Variants in SLC5A9 observed in about 807,000 individuals in gnomAD.
The protein encoded by SLC5A9 is sodium/glucose cotransporter 4.
SLC5A9 carries 59 observed loss-of-function variants against 70.9 expected under a neutral mutation model. That is an observed-to-expected ratio of 0.83 (90% CI 0.68 to 1.03). The LOEUF (loss-of-function observed/expected upper bound fraction) is 1.03, where lower values mean the gene tolerates loss of function less well. SLC5A9 is among the 50% of genes least tolerant of loss of function. The probability of loss-of-function intolerance (pLI) is 0.00; values close to 1 mark genes in which losing one functional copy is unlikely to be tolerated. For synonymous variants in SLC5A9, 340 were observed against 346.5 expected (o/e 0.98, Z 0.21); for missense variants, 832 against 881.1 (o/e 0.94, Z 0.71).
At position 48,233,635 on chromosome 1, in the gene SLC5A9, T is replaced by C; in HGVS notation, c.1034-20T>C. The C allele has an allele frequency of 6.2e-7, 1 of 1,603,170 alleles. No homozygotes were observed. The highest frequency in any genetic ancestry group is 8.5e-7 in the Non-Finnish European group (1 of 1,170,448). On this transcript the variant is annotated intron_variant, in intron 8 of 13. Transcript: ENST00000438567. ...AAGGCACGAGATCACGGACTCTAACTGCCATTACTTCTTCCACAGACGAGG... is the reference window on the plus strand; with the variant it reads ...AAGGCACGAGATCACGGACTCTAACCGCCATTACTTCTTCCACAGACGAGG...
rs1258515207 is a variant in SLC5A9, at chr1:48,235,939, G to T, written c.1292+60G>T. The T allele has an allele frequency of 6.2e-6, 10 of 1,605,020 alleles. No homozygotes were observed. In the Admixed American group the frequency reaches 1.5e-4, roughly 24 times the overall value. On this transcript the variant is annotated intron_variant, in intron 10 of 13. Coordinates refer to ENST00000438567, the MANE Select transcript of SLC5A9 (RefSeq NM_001011547.3). ...CCCTCTCCCCTCTGCCCTGCCCTGGGTTACCCTGAACAGAGGTGGCTGGGT... is the reference window on the plus strand; with the variant it reads ...CCCTCTCCCCTCTGCCCTGCCCTGGTTTACCCTGAACAGAGGTGGCTGGGT...
intron 12 of SLC5A9, chr1:48,242,146 C>T (rs1003508004): frequency 4.8e-5 from 23 of 476,332 alleles, no homozygotes; most frequent in African/African-American, 3.3e-4. Flanking sequence ...TCTCAAGTGC[C>T]TGCCTCCCTG....
rs572349864 is a variant in SLC5A9 at position 48,224,816 on chromosome 1, C to A, written c.234+21C>A. On this transcript the variant is annotated intron_variant, in intron 2 of 13. Transcript: ENST00000438567. The stretch of plus-strand genomic sequence containing the variant: ...GGCCAGTGAGTTGACCCTTCTCAAC[C>A]ACCCCTAGTGCAGAGGCTCCCAACT... 45 of 1,612,162 alleles carry A rather than the reference C, an allele frequency of 2.8e-5. 1 individual carries two copies. In the South Asian group the frequency reaches 4.5e-4, roughly 16 times the overall value.
At chr1:48,243,706 T>A (rs12746335) in intron 13 of SLC5A9, among the ~76,000 whole-genome samples, 110,057 of 151,664 alleles carry the variant, frequency 0.73, 41,664 homozygotes, top group East Asian at 0.94. Flanking sequence ...TGCACACGTA[T>A]CCCTGAAACT....
At chr1:48,222,954 T>C (rs1644093268) in intron 1 of SLC5A9, 56 bp downstream of exon 1, 1 of 1,586,912 alleles carries the variant, frequency 6.3e-7, no homozygotes, top group South Asian at 1.1e-5. Flanking sequence ...TCTCTCAGCT[T>C]GGGTGGGGCT....
At chr1:48,242,270 A>G in intron 12 of SLC5A9, 187 bp from the exon 13 acceptor site, 2 of 647,654 alleles carry the variant, frequency 3.1e-6, no homozygotes, top group Non-Finnish European at 5.3e-6. Flanking sequence ...GGTGTAGAGC[A>G]GGAATTGCTC....
intron 13 of SLC5A9, among the ~76,000 whole-genome samples, chr1:48,244,658 C>G (rs1644429175): frequency 6.9e-6 from 1 of 145,908 alleles, no homozygotes; most frequent in Non-Finnish European, 1.5e-5. Flanking sequence ...CAACATCACC[C>G]TGCCTGGTCT....
At position 48,228,931 on chromosome 1, in the gene SLC5A9, G is replaced by A; in HGVS notation, c.316G>A (p.Ala106Thr). ...LAGTGAAGGL[A>T]VGGFEWNATW... ...TGGGACAGGGGCTGCCGGAGGCCTTGCCGTAGGTGGCTTCGAGTGGAACGT... is the reference window on the plus strand; with the variant it reads ...TGGGACAGGGGCTGCCGGAGGCCTTACCGTAGGTGGCTTCGAGTGGAACGT... The change falls in exon 3 of 14, where the codon GCC becomes ACC. Residue 106 changes from alanine (A) to threonine (T), a missense_variant. Transcript: ENST00000438567. 1 of 1,613,374 alleles carries A rather than the reference G, an allele frequency of 6.2e-7. No homozygotes were observed. Among genetic ancestry groups the A allele is most frequent in the Non-Finnish European group, 8.5e-7 (1 of 1,180,030 alleles).
At chr1:48,230,203 A>C (rs1441563178) in intron 4 of SLC5A9, among the ~76,000 whole-genome samples, 2 of 152,230 alleles carry the variant, frequency 1.3e-5, no homozygotes, top group African/African-American at 4.8e-5. Flanking sequence ...CTGACAGCCA[A>C]GCAGGCTCTG....
intron 11 of SLC5A9, among the ~76,000 whole-genome samples, 171 bp downstream of exon 11, chr1:48,238,018 C>G (rs1297163843): frequency 6.6e-6 from 1 of 152,178 alleles, no homozygotes; most frequent in South Asian, 2.1e-4. Context: ...CATTTATCAG[C>G]CTTATAATGG....
intron 13 of SLC5A9, among the ~76,000 whole-genome samples, chr1:48,246,183 G>C (rs996819667): frequency 2.0e-5 from 3 of 152,028 alleles, no homozygotes; most frequent in Non-Finnish European, 4.4e-5. Flanking sequence ...GTTGCCAAGG[G>C]AATCAAAAGA....
In SLC5A9 at chr1:48,229,467, T is replaced by G; in HGVS notation, c.504+8T>G. The stretch of plus-strand genomic sequence containing the variant: ...ATCTTCACCAAGATCTCGGTAGGTG[T>G]CACTGCAATGTGGTCACTGTGTCTG... On this transcript the variant is annotated splice_region_variant and intron_variant, in intron 4 of 13. Transcript: ENST00000438567. 2 of 1,613,832 alleles carry G rather than the reference T, an allele frequency of 1.2e-6. No homozygotes were observed. The highest frequency in any genetic ancestry group is 1.7e-6 in the Non-Finnish European group (2 of 1,179,792).
Position 48,237,717 on chromosome 1 carries a change from G to A in SLC5A9, c.1331G>A (p.Trp444Ter), listed in dbSNP as rs754917964. 5 of 1,613,912 alleles carry A rather than the reference G, an allele frequency of 3.1e-6. No homozygotes were observed. Residue 444 changes from tryptophan (W) to a stop codon, truncating the protein, a stop_gained, in exon 11 of 14, where the codon TGG becomes TAG. Transcript: ENST00000438567. LOFTEE classifies it high-confidence loss of function. ...TTCCTGGTTGTCATCAGCATCCTCT[G>A]GATCCCCATCATCCAAAGCTCCAAC... ...VVFLVVISIL[W>*]IPIIQSSNSG... is the part of the protein sequence containing the mutation.
chr1:48,242,375 G>A, intron 12 of SLC5A9, 82 bp from the exon 13 acceptor site: 6 of 1,475,934 alleles, frequency 4.1e-6, no homozygotes, highest in Non-Finnish European at 5.5e-6. Context: ...TGCTCAGATG[G>A]CCTTCCATAA....
In SLC5A9 at chr1:48,248,268, T is replaced by C. The variant is rs1361795844; in HGVS notation, c.*725T>C. On this transcript the variant is annotated 3_prime_UTR_variant, in exon 14 of 14. Coordinates refer to ENST00000438567, the MANE Select transcript of SLC5A9 (RefSeq NM_001011547.3). ...GCCTTGAGAAGCAGTTGGAGAGACATGACTTGTTAAAACCTCAAGGAATCA... is the reference window on the plus strand; with the variant it reads ...GCCTTGAGAAGCAGTTGGAGAGACACGACTTGTTAAAACCTCAAGGAATCA... 6.6e-6 allele frequency: 1 copy of C among 152,348 alleles called. No homozygotes were observed. The highest frequency in any genetic ancestry group is 1.5e-5 in the Non-Finnish European group (1 of 68,166). 9.4% of individuals were successfully genotyped at this position (152,348 alleles called of 1,614,324 possible). A position where few individuals can be genotyped will look rare whatever the true frequency, so the allele number is the denominator to read the frequency against.
At position 48,229,385 on chromosome 1, in the gene SLC5A9, C is replaced by T. The variant is rs369855692; in HGVS notation, c.430C>T (p.Arg144Ter). 1.2e-5 allele frequency: 19 copies of T among 1,614,018 alleles called. No homozygotes were observed. Among genetic ancestry groups the T allele is most frequent in the African/African-American group, 5.3e-5 (4 of 74,892 alleles). The change falls in exon 4 of 14, where the codon CGA becomes TGA. Residue 144 changes from arginine (R) to a stop codon, truncating the protein, a stop_gained. Transcript: ENST00000438567. LOFTEE classifies it high-confidence loss of function. The stretch of plus-strand genomic sequence containing the variant: ...CACAATGCCGCAGTATCTGAAGAAG[C>T]GATTTGGGGGCCAGAGGATCCAGGT... ...VVTMPQYLKKRFGGQRIQVYM... is the reference protein window; with the variant it reads ...VVTMPQYLKK
rs1644476425 is a variant in SLC5A9, at chr1:48,247,794, T to C, written c.*251T>C. On this transcript the variant is annotated 3_prime_UTR_variant, in exon 14 of 14. Coordinates refer to ENST00000438567, the MANE Select transcript of SLC5A9 (RefSeq NM_001011547.3). ...CGGGGTTTCCCCACTCTTTCTGATA[T>C]ATTGCCTTACAGACCTACCTCAAAC... The C allele has an allele frequency of 7.2e-6, 4 of 554,812 alleles. No homozygotes were observed. Among genetic ancestry groups the C allele is most frequent in the Admixed American group, 3.0e-5 (1 of 32,826 alleles). 34.4% of individuals were successfully genotyped at this position (554,812 alleles called of 1,614,324 possible).
At position 48,247,529 on chromosome 1, in the gene SLC5A9, G is replaced by C; in HGVS notation, c.2032G>C (p.Gly678Arg). Residue 678 changes from glycine to arginine, a missense_variant, in exon 14 of 14, where the codon GGC (glycine) becomes CGC (arginine). By Grantham distance (125) the Gly-to-Arg change is moderately radical (BLOSUM62 -2). Transcript: ENST00000438567. ...LLLAINIFLW[G>R]YFA ...GCTGGCCATCAACATCTTCCTCTGG[G>C]GCTATTTTGCGTGATTCCACAGACC... 2.5e-6 allele frequency: 4 copies of C among 1,614,156 alleles called. No individual in the cohort carries two copies. The South Asian group carries it at 3.3e-5, about 13-fold the overall frequency.
At position 48,242,541 on chromosome 1, in the gene SLC5A9, G is replaced by C. The variant is rs536336459; in HGVS notation, c.1762G>C (p.Glu588Gln). 3 of 1,613,834 alleles carry C rather than the reference G, an allele frequency of 1.9e-6. No individual in the cohort carries two copies. The highest frequency in any genetic ancestry group is 1.7e-4 in the Middle Eastern group (1 of 6,044). ...EAHESTPEIS[E>Q]RPAGECPAGG... is the part of the protein sequence containing the mutation. ...CCACGAGAGCACACCGGAGATATCC[G>C]AGAGGCCAGCCGGGGAGTGCCCTGC... Residue 588 changes from glutamate to glutamine, a missense_variant, in exon 13 of 14, where the codon GAG becomes CAG. Transcript: ENST00000438567.
Sources: allele counts gnomAD v4.1 joint callset (sites outside exome capture counted in the v4.1 genomes callset), GRCh38; gene constraint gnomAD v4.1.1; transcripts MANE v1.5; gene names NCBI Gene and HGNC (gene_info 2026-07-23, HGNC 2026-07-21).